PPM1H: variants seen among roughly 807,000 people sequenced by gnomAD.
PPM1H encodes the protein protein phosphatase 1H.
Under a neutral mutation model 54.9 loss-of-function variants are expected in PPM1H, and 27 were observed. The ratio of observed to expected loss-of-function variants is 0.49; its 90% CI spans 0.36 to 0.68. PPM1H has a LOEUF of 0.68. PPM1H is among the 30% of genes least tolerant of loss of function. The probability of loss-of-function intolerance (pLI) is 0.00; values close to 1 mark genes in which losing one functional copy is unlikely to be tolerated. For synonymous variants in PPM1H, 305 were observed against 270.8 expected, an observed-to-expected ratio of 1.13 and a Z score of -1.24; for missense variants, 596 against 667.8, an observed-to-expected ratio of 0.89 and a Z score of 1.19.
chr12:62,733,912 G>A (rs12302395), intron 5 of PPM1H, among the ~76,000 whole-genome samples: 2,156 of 152,140 alleles, frequency 0.014, 49 homozygotes, highest in African/African-American at 0.05. Context: ...TAAAAACGAG[G>A]AAAAAAATTA....
At chr12:62,648,964 C>T (rs890746708) in intron 9 of PPM1H, among the ~76,000 whole-genome samples, 5 of 152,150 alleles carry the variant, frequency 3.3e-5, no homozygotes, top group South Asian at 4.1e-4. Flanking sequence ...GCTGCTCAAG[C>T]TCAGAGCTTT....
At position 62,647,518 on chromosome 12, in the gene PPM1H, TTA is replaced by T. The variant is rs1295229422; in HGVS notation, c.*969_*970del. ...TTAAACTGCTCTATTAAACACTGCT[TTA>T]TATGTGTCCCCATGATACAGAAAAG... On this transcript the variant is annotated 3_prime_UTR_variant, in exon 10 of 10. Coordinates refer to ENST00000228705, the MANE Select transcript of PPM1H (RefSeq NM_020700.2). 2 of 152,168 alleles carry T rather than the reference TTA, an allele frequency of 1.3e-5. No individual in the cohort carries two copies. Among genetic ancestry groups the T allele is most frequent in the Non-Finnish European group, 2.9e-5 (2 of 68,048 alleles). 9.4% of individuals were successfully genotyped at this position (152,168 alleles called of 1,614,324 possible).
intron 1 of PPM1H, among the ~76,000 whole-genome samples, chr12:62,837,631 T>C (rs1432872969): frequency 6.6e-6 from 1 of 152,360 alleles, no homozygotes; most frequent in East Asian, 1.9e-4. Context: ...AGGTACTTTT[T>C]TCCCCTAAAA....
In PPM1H at chr12:62,695,150, G is replaced by T. The variant is rs117456553; in HGVS notation, c.1074-1151C>A. Among the ~76,000 whole-genome samples the T allele has an allele frequency of 8.9e-3, 1,361 of 152,264 alleles. 12 individuals carry two copies. Among genetic ancestry groups the T allele is most frequent in the South Asian group, 0.026 (124 of 4,828 alleles). ...GGAAGCTCTTGAGGTACAAAAGAATGTAACTAAATTTAAAAAGCATGCAAC... is the reference window on the plus strand; with the variant it reads ...GGAAGCTCTTGAGGTACAAAAGAATTTAACTAAATTTAAAAAGCATGCAAC... On this transcript the variant is annotated intron_variant, in intron 6 of 9. Transcript: ENST00000228705.
At chr12:62,777,070 A>T (rs898847372) in intron 4 of PPM1H, among the ~76,000 whole-genome samples, 5 of 152,256 alleles carry the variant, frequency 3.3e-5, no homozygotes, top group Admixed American at 3.3e-4. Flanking sequence ...AGTGCCAAAC[A>T]TTGAAGCACT....
chr12:62,744,986 G>A lies in PPM1H; in HGVS notation c.870-7400C>T, dbSNP rs147655785. ...ATCTGCCAGACCTTCACCTGGTGCC[G>A]TCCTATGGGGAAAAATGGAAGAGCA... On this transcript the variant is annotated intron_variant, in intron 4 of 9. Coordinates refer to ENST00000228705, the MANE Select transcript of PPM1H (RefSeq NM_020700.2). Among the ~76,000 whole-genome samples the A allele has an allele frequency of 8.3e-4, 127 of 152,252 alleles. No individual in the cohort carries two copies. In the East Asian group the frequency reaches 0.01, roughly 12 times the overall value.
intron 8 of PPM1H, among the ~76,000 whole-genome samples, chr12:62,686,222 G>C (rs1024726945): frequency 6.6e-6 from 1 of 152,186 alleles, no homozygotes; most frequent in African/African-American, 2.4e-5. Context: ...CCTGAGATCT[G>C]CAGTAGCAGA....
intron 8 of PPM1H, among the ~76,000 whole-genome samples, chr12:62,668,020 G>A (rs2075929946): frequency 6.6e-6 from 1 of 152,146 alleles, no homozygotes; most frequent in African/African-American, 2.4e-5. Flanking sequence ...CGCTCACTCT[G>A]AACCTCCAAA....
At chr12:62,648,772 A>G in intron 9 of PPM1H, 136 bp from the exon 10 acceptor site, 1 of 1,008,416 alleles carries the variant, frequency 9.9e-7, no homozygotes, top group Non-Finnish European at 1.4e-6. Flanking sequence ...CGAAAAAGAC[A>G]AGGTCATCTT....
intron 1 of PPM1H, among the ~76,000 whole-genome samples, chr12:62,924,539 C>A (rs1024098366): frequency 6.6e-6 from 1 of 152,150 alleles, no homozygotes; most frequent in Non-Finnish European, 1.5e-5. Context: ...TAAGGAGATG[C>A]GAATTTACTA....
chr12:62,649,682 T>C (rs1261325580), intron 9 of PPM1H, among the ~76,000 whole-genome samples: 1 of 152,238 alleles, frequency 6.6e-6, no homozygotes, highest in Non-Finnish European at 1.5e-5. Context: ...AACCTCCTGA[T>C]TATGATCTGC....
At chr12:62,814,689 A>G (rs1306987091) in intron 2 of PPM1H, among the ~76,000 whole-genome samples, 1 of 152,210 alleles carries the variant, frequency 6.6e-6, no homozygotes, top group Non-Finnish European at 1.5e-5. Flanking sequence ...TGGAGGGGCC[A>G]TATCAACAGC....
chr12:62,707,013 C>A (rs1384444906), intron 6 of PPM1H, among the ~76,000 whole-genome samples: 2 of 152,126 alleles, frequency 1.3e-5, no homozygotes, highest in East Asian at 3.9e-4. Context: ...TGCTCAGGTG[C>A]AATAAACTCA....
intron 4 of PPM1H, among the ~76,000 whole-genome samples, chr12:62,782,431 G>A (rs1433068237): frequency 6.6e-6 from 1 of 152,152 alleles, no homozygotes; most frequent in Non-Finnish European, 1.5e-5. Context: ...CTTGTCAAAG[G>A]AACTCACCTT....
At chr12:62,752,239 C>T (rs2076446075) in intron 4 of PPM1H, among the ~76,000 whole-genome samples, 1 of 152,040 alleles carries the variant, frequency 6.6e-6, no homozygotes. Context: ...ATTAGTGATG[C>T]TGAATGAATA....
At chr12:62,739,759 G>A (rs2076371758) in intron 4 of PPM1H, among the ~76,000 whole-genome samples, 1 of 152,234 alleles carries the variant, frequency 6.6e-6, no homozygotes, top group African/African-American at 2.4e-5. Flanking sequence ...AGGAGCAGAT[G>A]AAAGAACTTA....
At chr12:62,836,484 A>G (rs1318392663) in intron 1 of PPM1H, among the ~76,000 whole-genome samples, 2 of 152,214 alleles carry the variant, frequency 1.3e-5, no homozygotes, top group Admixed American at 6.5e-5. Flanking sequence ...TGTCAACTCT[A>G]TAAGGTAGCT....
At chr12:62,769,647 G>A (rs940832845) in intron 4 of PPM1H, among the ~76,000 whole-genome samples, 11 of 152,204 alleles carry the variant, frequency 7.2e-5, no homozygotes, top group South Asian at 2.1e-4. Context: ...TTTTAACAGC[G>A]CCATGGGAAA....
At chr12:62,847,588 T>C (rs1410425307) in intron 1 of PPM1H, among the ~76,000 whole-genome samples, 1 of 152,216 alleles carries the variant, frequency 6.6e-6, no homozygotes, top group Non-Finnish European at 1.5e-5. Context: ...CCTAACATCC[T>C]GTGCTAAGAG....
Sources: gnomAD v4.1 joint callset for allele counts (sites outside exome capture counted in the v4.1 genomes callset) on GRCh38, gnomAD v4.1.1 for gene constraint, MANE v1.5 for transcripts, NCBI Gene and HGNC (gene_info 2026-07-23, HGNC 2026-07-21) for gene names.